The following AKAP11 variants were observed in gnomAD, a reference collection of about 807,000 sequenced individuals.
AKAP11 encodes the protein A-kinase anchoring protein 11.
A neutral mutation model predicts 146.1 loss-of-function variants in AKAP11; 36 were observed. The ratio of observed to expected loss-of-function variants is 0.25; its 90% CI spans 0.19 to 0.33. The LOEUF (loss-of-function observed/expected upper bound fraction) is 0.33, where lower values mean the gene tolerates loss of function less well. Ranked by LOEUF, AKAP11 falls within the 10% of genes least tolerant of loss-of-function variation. AKAP11 has a pLI of 1.00. For synonymous variants in AKAP11, 780 were observed against 786.5 expected, an observed-to-expected ratio of 0.99 and a Z score of 0.14; for missense variants, 2,201 against 2,197.0, an observed-to-expected ratio of 1.00 and a Z score of -0.04.
In AKAP11 at chr13:42,303,621, C is replaced by G; in HGVS notation, c.4875C>G (p.Ser1625Arg). The change falls in exon 8 of 13, where the codon AGC becomes AGG. Residue 1625 changes from serine (S) to arginine (R), a missense_variant. Coordinates refer to ENST00000025301, the MANE Select transcript of AKAP11 (RefSeq NM_016248.4). ...SKPASNPKFS[S>R]RYQKSRIFHL... ...CAGCTTCTAATCCAAAATTTAGCAG[C>G]CGCTATCAGAAATCTAGGATTTTTC... 1.2e-6 allele frequency: 2 copies of G among 1,614,178 alleles called. No individual in the cohort carries two copies. The highest frequency in any genetic ancestry group is 1.7e-6 in the Non-Finnish European group (2 of 1,180,010).
intron 1 of AKAP11, among the ~76,000 whole-genome samples, chr13:42,281,010 C>G (rs1441476472): frequency 6.6e-6 from 1 of 152,010 alleles, no homozygotes; most frequent in Admixed American, 6.6e-5. Context: ...GTTTTATTTA[C>G]CTTTTGAACA....
Position 42,300,552 on chromosome 13 carries a change from G to A in AKAP11, c.1806G>A (p.Gln602=). The A allele has an allele frequency of 1.2e-6, 2 of 1,614,010 alleles. No individual in the cohort carries two copies. The highest frequency in any genetic ancestry group is 1.7e-6 in the Non-Finnish European group (2 of 1,179,934). Residue 602 remains glutamine, a synonymous_variant, in exon 8 of 13, where the codon CAG becomes CAA. Coordinates refer to ENST00000025301, the MANE Select transcript of AKAP11 (RefSeq NM_016248.4). ...LQMAFDELRR[Q]RAFSLKERAI... is the part of the protein sequence containing the mutation. ...TGGCATTTGATGAGCTGAGAAGGCAGCGTGCATTTTCACTAAAAGAACGTG... is the reference window on the plus strand; with the variant it reads ...TGGCATTTGATGAGCTGAGAAGGCAACGTGCATTTTCACTAAAAGAACGTG...
chr13:42,314,123 T>C lies in AKAP11; in HGVS notation c.5404+183T>C, dbSNP rs561268715. On this transcript the variant is annotated intron_variant, in intron 11 of 12. Transcript: ENST00000025301. ...CCTTTGTTGAGTAGTTTTATTTGAT[T>C]GCTACACTAATGAAATTGTCATTGG... Among the ~76,000 whole-genome samples the C allele has an allele frequency of 2.0e-5, 3 of 152,324 alleles. No individual in the cohort carries two copies. In the East Asian group the frequency reaches 5.8e-4, roughly 29 times the overall value.
rs527843170 is a variant in AKAP11 at position 42,281,351 on chromosome 13, G to A, written c.-99-4635G>A. Among the ~76,000 whole-genome samples the A allele has an allele frequency of 2.6e-5, 4 of 152,290 alleles. No homozygotes were observed. In the South Asian group the frequency reaches 8.3e-4, roughly 32 times the overall value. On this transcript the variant is annotated intron_variant, in intron 1 of 12. Transcript: ENST00000025301. ...AGACCTGTTGAATTTGGATCTTCTG[G>A]TGGGGGAGTTGTGTGTGTTAGAAAT... is the stretch of plus-strand genomic sequence containing the variant.
Position 42,302,239 on chromosome 13 carries a change from A to C in AKAP11, c.3493A>C (p.Lys1165Gln). ...TATAGAAAAAGAAGAGTTCATGTTG[A>C]AACTCATGCGATCTCTTTCTGAAGA... ...NTIEKEEFML[K>Q]LMRSLSEEVE... Residue 1165 changes from lysine to glutamine, a missense_variant, in exon 8 of 13, where the codon AAA (lysine) becomes CAA (glutamine). Physicochemically the swap from Lys to Gln is moderately conservative, Grantham distance 53. This residue lies in a region of AKAP11 where 1,867 missense variants were observed against 1,833.5 expected (regional missense o/e 1.02). Transcript: ENST00000025301. The C allele has an allele frequency of 3.7e-6, 6 of 1,614,212 alleles. No homozygotes were observed. Among genetic ancestry groups the C allele is most frequent in the Non-Finnish European group, 5.1e-6 (6 of 1,180,026 alleles).
chr13:42,271,863 G>A (rs1456494216), upstream of AKAP11, among the ~76,000 whole-genome samples: 1 of 151,714 alleles, frequency 6.6e-6, no homozygotes, highest in Non-Finnish European at 1.5e-5. Context: ...GGGCTGCCCC[G>A]CGGGCTGCTC....
chr13:42,280,882 C>T (rs912121039), intron 1 of AKAP11, among the ~76,000 whole-genome samples: 7 of 152,204 alleles, frequency 4.6e-5, no homozygotes, highest in East Asian at 3.9e-4. Flanking sequence ...ATTTACTAGG[C>T]GAGGTAGTCT....
intron 4 of AKAP11, among the ~76,000 whole-genome samples, chr13:42,293,672 G>A (rs909183746): frequency 2.6e-5 from 4 of 152,088 alleles, no homozygotes; most frequent in African/African-American, 7.2e-5. Context: ...TTTCCAGCTC[G>A]GATAGGTCGC....
In AKAP11 at chr13:42,319,517, A is replaced by C. The variant is rs1960987369; in HGVS notation, c.*289A>C. The C allele has an allele frequency of 3.7e-6, 1 of 269,120 alleles. No individual in the cohort carries two copies. Among genetic ancestry groups the C allele is most frequent in the Admixed American group, 5.2e-5 (1 of 19,380 alleles). The allele number at this position is 269,120 out of a possible 1,614,324, so 16.7% of individuals were successfully genotyped here. ...GTCTAACCAGGGGGTTTTCAGGGGC[A>C]TTGTCTGACCACATTCTTTTTGTAT... is the stretch of plus-strand genomic sequence containing the variant. On this transcript the variant is annotated 3_prime_UTR_variant, in exon 13 of 13. Coordinates refer to ENST00000025301, the MANE Select transcript of AKAP11 (RefSeq NM_016248.4).
chr13:42,303,891 A>T, intron 8 of AKAP11, 28 bp downstream of exon 8: 1 of 1,532,936 alleles, frequency 6.5e-7, no homozygotes, highest in South Asian at 1.3e-5. Flanking sequence ...TTTGGTTGTT[A>T]ATGATAAATT....
At chr13:42,306,680 AAGG>A (rs1384724868) in intron 8 of AKAP11, among the ~76,000 whole-genome samples, 2 of 152,188 alleles carry the variant, frequency 1.3e-5, no homozygotes, top group Admixed American at 6.5e-5. Flanking sequence ...TCAAACTTGA[AAGG>A]AGATTCATTC....
chr13:42,279,271 A>C (rs889075726), intron 1 of AKAP11, among the ~76,000 whole-genome samples: 2 of 150,114 alleles, frequency 1.3e-5, no homozygotes, highest in Admixed American at 1.3e-4. Flanking sequence ...ACCCACACAC[A>C]CACACACACA....
upstream of AKAP11, chr13:42,272,144 A>AG (rs1207214575): frequency 1.1e-3 from 125 of 108,946 alleles, no homozygotes; most frequent in African/African-American, 4.6e-3. Context: ...TCAGCGCGGG[A>AG]GGGGGCCAGC....
At chr13:42,280,922 G>C (rs1163143778) in intron 1 of AKAP11, among the ~76,000 whole-genome samples, 1 of 152,192 alleles carries the variant, frequency 6.6e-6, no homozygotes, top group East Asian at 1.9e-4. Context: ...CCAGTTTCCA[G>C]CTTGGCCTAC....
At position 42,323,136 on chromosome 13, in the gene AKAP11, G is replaced by A. The variant is rs1215003355; in HGVS notation, c.*3908G>A. The A allele has an allele frequency of 6.6e-6, 1 of 152,562 alleles. No individual in the cohort carries two copies. The highest frequency in any genetic ancestry group is 1.5e-5 in the Non-Finnish European group (1 of 67,986). 9.5% of individuals were successfully genotyped at this position (152,562 alleles called of 1,614,324 possible). On this transcript the variant is annotated 3_prime_UTR_variant, in exon 13 of 13. Transcript: ENST00000025301. Reference sequence around the variant, plus strand: ...TGCACTAAAGTTTTGTTTCAGCAGTGGCTCAAAAAATTTCAGAAATTACTT... The same window carrying A: ...TGCACTAAAGTTTTGTTTCAGCAGTAGCTCAAAAAATTTCAGAAATTACTT...
intron 4 of AKAP11, among the ~76,000 whole-genome samples, chr13:42,294,949 C>A (rs1414029550): frequency 6.6e-6 from 1 of 152,094 alleles, no homozygotes; most frequent in Non-Finnish European, 1.5e-5. Flanking sequence ...TATGACTTGT[C>A]CTTTTTACTT....
chr13:42,286,595 A>T (rs568131870), intron 3 of AKAP11, among the ~76,000 whole-genome samples, 196 bp downstream of exon 3: 1 of 152,218 alleles, frequency 6.6e-6, no homozygotes, highest in South Asian at 2.1e-4. Flanking sequence ...TTTCCTAAAG[A>T]TCACAGTGCT....
rs538336472 is a variant in AKAP11 at position 42,308,226 on chromosome 13, C to T, written c.5118-228C>T. 4.6e-5 allele frequency among the ~76,000 whole-genome samples: 7 copies of T among 152,230 alleles called. No individual in the cohort carries two copies. In the South Asian group the frequency reaches 1.5e-3, roughly 32 times the overall value. On this transcript the variant is annotated intron_variant, in intron 8 of 12. Coordinates refer to ENST00000025301, the MANE Select transcript of AKAP11 (RefSeq NM_016248.4). The stretch of plus-strand genomic sequence containing the variant: ...TAGGGATAGATCCATTGTAGATTAA[C>T]AAAGTAAGTTATGGCTGTTGGTGGG...
rs545714294 is a variant in AKAP11, at chr13:42,285,390, C to G, written c.-99-596C>G. 1.7e-4 allele frequency among the ~76,000 whole-genome samples: 26 copies of G among 152,270 alleles called. 2 individuals carry two copies. The South Asian group carries it at 5.2e-3, about 30-fold the overall frequency. Reference sequence around the variant, plus strand: ...AGACCAGATTGATTTTCTGAAAATACTTGAAACTAAGAATTTCTTAAATAT... The same window carrying G: ...AGACCAGATTGATTTTCTGAAAATAGTTGAAACTAAGAATTTCTTAAATAT... On this transcript the variant is annotated intron_variant, in intron 1 of 12. Transcript: ENST00000025301.
Sources: gnomAD v4.1 joint callset for allele counts (sites outside exome capture counted in the v4.1 genomes callset) on GRCh38, gnomAD v4.1.1 for gene constraint, gnomAD v4.1.1 regional missense constraint, MANE v1.5 for transcripts, NCBI Gene and HGNC (gene_info 2026-07-23, HGNC 2026-07-21) for gene names.